Variants in KCNIP4 observed in about 807,000 individuals in gnomAD.
The protein encoded by KCNIP4 is potassium voltage-gated channel interacting protein 4.
In KCNIP4, 12 loss-of-function variants were observed where a neutral mutation model predicts 34.0. The observed-to-expected ratio is 0.35, with a 90% CI of 0.23 to 0.57. The LOEUF (loss-of-function observed/expected upper bound fraction) is 0.57, where lower values mean the gene tolerates loss of function less well. KCNIP4 is among the 20% of genes least tolerant of loss of function. The pLI is 0.83. For synonymous variants in KCNIP4, 124 were observed against 102.2 expected (o/e 1.21, Z -1.29); for missense variants, 238 against 311.7 (o/e 0.76, Z 1.78).
At chr4:21,628,463 A>G (rs1046965042) in intron 1 of KCNIP4, among the ~76,000 whole-genome samples, 3 of 152,158 alleles carry the variant, frequency 2.0e-5, no homozygotes, top group African/African-American at 4.8e-5. Flanking sequence ...TTGATATACA[A>G]ATTAAAAATG....
rs368790705 is a variant in KCNIP4 at position 21,705,890 on chromosome 4, A to G, written c.61+242681T>C. 7.9e-5 allele frequency among the ~76,000 whole-genome samples: 12 copies of G among 152,314 alleles called. No individual in the cohort carries two copies. The South Asian group carries it at 2.3e-3, about 29-fold the overall frequency. ...AGGTTCATTTTTCACATTGAAGCCT[A>G]GAGCACCAGCATGATCAATATTTTC... On this transcript the variant is annotated intron_variant, in intron 1 of 8. Transcript: ENST00000382152.
intron 1 of KCNIP4, among the ~76,000 whole-genome samples, chr4:21,657,401 C>G (rs149134387): frequency 2.0e-4 from 31 of 152,206 alleles, no homozygotes; most frequent in African/African-American, 7.5e-4. Flanking sequence ...GTGACTGAAT[C>G]CAGGCAAGGC....
At chr4:21,662,442 C>T (rs924265434) in intron 1 of KCNIP4, among the ~76,000 whole-genome samples, 3 of 152,182 alleles carry the variant, frequency 2.0e-5, no homozygotes, top group Admixed American at 6.5e-5. Context: ...GCTACCATAA[C>T]ATCTGCCTAC....
At chr4:21,664,147 C>T (rs568300008) in intron 1 of KCNIP4, among the ~76,000 whole-genome samples, 1 of 152,164 alleles carries the variant, frequency 6.6e-6, no homozygotes, top group East Asian at 1.9e-4. Context: ...ACAGGTTTCA[C>T]CATGTTGGCC....
chr4:21,254,646 C>T (rs1363962301), intron 1 of KCNIP4, among the ~76,000 whole-genome samples: 1 of 152,168 alleles, frequency 6.6e-6, no homozygotes, highest in Admixed American at 6.5e-5. Flanking sequence ...GACCTACCTC[C>T]ACTGCTTAAT....
At chr4:21,519,776 C>CGT (rs987431349) in intron 1 of KCNIP4, among the ~76,000 whole-genome samples, 1 of 111,406 alleles carries the variant, frequency 9.0e-6, no homozygotes, top group Admixed American at 9.1e-5. Flanking sequence ...TGTATACACA[C>CGT]GTGTGTGTAT....
At chr4:20,923,704 T>C (rs1444856179) in intron 1 of KCNIP4, among the ~76,000 whole-genome samples, 2 of 152,188 alleles carry the variant, frequency 1.3e-5, no homozygotes, top group African/African-American at 4.8e-5. Flanking sequence ...AACAATAAGT[T>C]CAGAAGTACG....
At chr4:20,961,646 G>A (rs1338789582) in intron 1 of KCNIP4, among the ~76,000 whole-genome samples, 2 of 152,034 alleles carry the variant, frequency 1.3e-5, no homozygotes, top group Non-Finnish European at 2.9e-5. Context: ...ACAAAGCGCT[G>A]GTGTGGTCCC....
intron 1 of KCNIP4, among the ~76,000 whole-genome samples, chr4:21,782,975 G>C (rs987551682): frequency 6.6e-6 from 1 of 152,112 alleles, no homozygotes; most frequent in African/African-American, 2.4e-5. Flanking sequence ...TGTAGATAGG[G>C]ACAACAAATT....
intron 2 of KCNIP4, among the ~76,000 whole-genome samples, chr4:20,865,341 A>G (rs1352252758): frequency 6.6e-6 from 1 of 152,076 alleles, no homozygotes; most frequent in Non-Finnish European, 1.5e-5. Flanking sequence ...TTCTAACCTT[A>G]TTCTTTAAGA....
At chr4:20,904,938 T>C (rs985256225) in intron 1 of KCNIP4, among the ~76,000 whole-genome samples, 1 of 152,088 alleles carries the variant, frequency 6.6e-6, no homozygotes, top group Non-Finnish European at 1.5e-5. Flanking sequence ...GGAGTAGGAA[T>C]AGGATAAAGA....
Position 20,730,052 on chromosome 4 carries a change from G to C in KCNIP4, c.*30C>G. On this transcript the variant is annotated 3_prime_UTR_variant, in exon 9 of 9. Transcript: ENST00000382152. ...AAGGGTGGTAGAATAGTTCACATTT[G>C]TCTGTTGGATTCAGGATCTATTTGA... 6.3e-7 allele frequency: 1 copy of C among 1,598,728 alleles called. No homozygotes were observed. The highest frequency in any genetic ancestry group is 8.5e-7 in the Non-Finnish European group (1 of 1,174,516).
intron 1 of KCNIP4, among the ~76,000 whole-genome samples, chr4:21,431,761 C>T (rs938436543): frequency 9.2e-5 from 14 of 151,462 alleles, no homozygotes; most frequent in Admixed American, 3.3e-4. Context: ...CAATGGATTA[C>T]AATGATTAAA....
intron 1 of KCNIP4, among the ~76,000 whole-genome samples, chr4:21,933,617 A>C (rs1469499296): frequency 6.6e-6 from 1 of 152,026 alleles, no homozygotes; most frequent in Non-Finnish European, 1.5e-5. Context: ...GAGGACAGGG[A>C]AGGTATCTGT....
chr4:21,008,225 A>C (rs112110834), intron 1 of KCNIP4, among the ~76,000 whole-genome samples: 1 of 152,212 alleles, frequency 6.6e-6, no homozygotes, highest in Non-Finnish European at 1.5e-5. Context: ...CCACCGGAGA[A>C]CTGCATTCAC....
At chr4:21,455,826 T>TAGCCAA (rs1728900872) in intron 1 of KCNIP4, among the ~76,000 whole-genome samples, 1 of 105,616 alleles carries the variant, frequency 9.5e-6, no homozygotes, top group African/African-American at 5.1e-5. Flanking sequence ...TATATATATA[T>TAGCCAA]ATATATATAT....
chr4:21,146,768 T>C (rs2109229415), intron 1 of KCNIP4, among the ~76,000 whole-genome samples: 1 of 152,302 alleles, frequency 6.6e-6, no homozygotes, highest in East Asian at 1.9e-4. Flanking sequence ...GCTGAATATT[T>C]TGAACATACC....
At chr4:20,977,192 A>G (rs931310245) in intron 1 of KCNIP4, among the ~76,000 whole-genome samples, 1 of 152,288 alleles carries the variant, frequency 6.6e-6, no homozygotes, top group East Asian at 1.9e-4. Context: ...AATATGAGTA[A>G]CAGCTGCTTC....
chr4:20,931,017 C>T (rs532427274), intron 1 of KCNIP4, among the ~76,000 whole-genome samples: 7 of 151,796 alleles, frequency 4.6e-5, no homozygotes, highest in Non-Finnish European at 1.0e-4. Context: ...GGGGATTGAC[C>T]CAGCAATTCC....
Sources: gnomAD v4.1 joint callset for allele counts (sites outside exome capture counted in the v4.1 genomes callset) on GRCh38, gnomAD v4.1.1 for gene constraint, MANE v1.5 for transcripts, NCBI Gene and HGNC (gene_info 2026-07-23, HGNC 2026-07-21) for gene names.